The following SMARCC1 variants were observed in gnomAD, a reference collection of about 807,000 sequenced individuals.
SMARCC1 encodes SWI/SNF related BAF chromatin remodeling complex subunit C1.
In SMARCC1, 43 loss-of-function variants were observed where a neutral mutation model predicts 147.4. That is an observed-to-expected ratio of 0.29 (90% CI 0.23 to 0.38). The LOEUF is 0.38. Among genes scored for constraint, SMARCC1 ranks in the 10% least tolerant of loss-of-function variants. The pLI is 1.00. For synonymous variants in SMARCC1, 495 were observed against 484.4 expected (o/e 1.02, Z -0.29); for missense variants, 1,119 against 1,381.1 (o/e 0.81, Z 3.01).
intron 2 of SMARCC1, among the ~76,000 whole-genome samples, chr3:47,768,905 G>C (rs1301660747): frequency 6.6e-6 from 1 of 152,098 alleles, no homozygotes; most frequent in African/African-American, 2.4e-5. Flanking sequence ...TTAAATTTTT[G>C]TTATAAAAAA....
Position 47,676,529 on chromosome 3 carries a change from T to C in SMARCC1, c.1725+100A>G, listed in dbSNP as rs1167727344. 2.1e-5 allele frequency: 18 copies of C among 840,212 alleles called. No individual in the cohort carries two copies. In the East Asian group the frequency reaches 4.5e-4, roughly 21 times the overall value. The allele number at this position is 840,212 out of a possible 1,614,324, so 52.0% of individuals were successfully genotyped here. Reference sequence around the variant, plus strand: ...GCAAGGATCAAAGAAATAGCACTAATAATAGCATTATAGTATAATAATAAT... The same window carrying C: ...GCAAGGATCAAAGAAATAGCACTAACAATAGCATTATAGTATAATAATAAT... On this transcript the variant is annotated intron_variant, in intron 17 of 27. Coordinates refer to ENST00000254480, the MANE Select transcript of SMARCC1 (RefSeq NM_003074.4).
chr3:47,596,872 C>CT (rs570013497), intron 26 of SMARCC1, among the ~76,000 whole-genome samples: 146 of 146,106 alleles, frequency 1.0e-3, no homozygotes, highest in Middle Eastern at 3.5e-3. Context: ...CAAGTTCCTT[C>CT]TTTTTTTTTT....
intron 9 of SMARCC1, among the ~76,000 whole-genome samples, chr3:47,709,423 T>C (rs1274156351): frequency 7.9e-5 from 12 of 152,240 alleles, no homozygotes; most frequent in Non-Finnish European, 4.4e-5. Context: ...CGGTGGCTCA[T>C]GCCTGTAATC....
chr3:47,781,497 C>T (rs903455164), intron 1 of SMARCC1, 106 bp downstream of exon 1: 1 of 761,882 alleles, frequency 1.3e-6, no homozygotes, highest in African/African-American at 1.9e-5. Flanking sequence ...CTTTGTTGTC[C>T]CTCGTGGCGT....
chr3:47,607,839 T>G (rs938646965), intron 26 of SMARCC1, among the ~76,000 whole-genome samples: 1 of 152,126 alleles, frequency 6.6e-6, no homozygotes, highest in Non-Finnish European at 1.5e-5. Flanking sequence ...GCCCAGGAAT[T>G]TGGGTCCAGT....
At chr3:47,692,650 G>A (rs1408004621) in intron 12 of SMARCC1, among the ~76,000 whole-genome samples, 2 of 152,140 alleles carry the variant, frequency 1.3e-5, no homozygotes, top group Non-Finnish European at 2.9e-5. Flanking sequence ...TCTTACAACA[G>A]TAGCAAACCA....
chr3:47,643,113 C>A (rs1010934932), intron 21 of SMARCC1, among the ~76,000 whole-genome samples: 2 of 152,146 alleles, frequency 1.3e-5, no homozygotes, highest in African/African-American at 4.8e-5. Flanking sequence ...CCGTCCACCA[C>A]AAAATAAGGA....
At chr3:47,679,537 T>C (rs1051760518) in intron 15 of SMARCC1, among the ~76,000 whole-genome samples, 5 of 152,092 alleles carry the variant, frequency 3.3e-5, no homozygotes, top group African/African-American at 1.2e-4. Flanking sequence ...ATAGAAACAA[T>C]CCAAAACATA....
At chr3:47,618,450 G>A (rs1449196626) in intron 25 of SMARCC1, among the ~76,000 whole-genome samples, 1 of 151,896 alleles carries the variant, frequency 6.6e-6, no homozygotes, top group African/African-American at 2.4e-5. Flanking sequence ...GGGAGGCTGA[G>A]GAGGGAGGAT....
At chr3:47,617,049 T>C (rs1348993653) in intron 25 of SMARCC1, among the ~76,000 whole-genome samples, 1 of 152,224 alleles carries the variant, frequency 6.6e-6, no homozygotes, top group African/African-American at 2.4e-5. Context: ...ATCAACTTTA[T>C]TGATTCATAA....
At chr3:47,733,154 G>A (rs1005869819) in intron 5 of SMARCC1, among the ~76,000 whole-genome samples, 3 of 152,136 alleles carry the variant, frequency 2.0e-5, no homozygotes, top group Non-Finnish European at 4.4e-5. Flanking sequence ...TTGAAATACT[G>A]TGAGAATTAC....
intron 26 of SMARCC1, chr3:47,604,062 A>G (rs138230975): frequency 3.9e-4 from 179 of 456,802 alleles, no homozygotes; most frequent in African/African-American, 3.2e-3. Flanking sequence ...GAGGGGCTGA[A>G]GAACTTACAG....
chr3:47,737,781 G>C (rs941541486), intron 4 of SMARCC1, among the ~76,000 whole-genome samples: 2 of 151,456 alleles, frequency 1.3e-5, no homozygotes, highest in Non-Finnish European at 2.9e-5. Context: ...TCAGCCACCA[G>C]AGTAGCTGGG....
In SMARCC1 at chr3:47,720,739, G is replaced by C. The variant is rs754742875; in HGVS notation, c.647-4C>G. 4.4e-6 allele frequency: 7 copies of C among 1,603,264 alleles called. No homozygotes were observed. Among genetic ancestry groups the C allele is most frequent in the Non-Finnish European group, 6.0e-6 (7 of 1,173,836 alleles). Reference sequence around the variant, plus strand: ...ATCACCGGTCTCAACCATTCTTCTGGAAGAGAAAAAGAAACAACTTTACTC... The same window carrying C: ...ATCACCGGTCTCAACCATTCTTCTGCAAGAGAAAAAGAAACAACTTTACTC... On this transcript the variant is annotated splice_polypyrimidine_tract_variant and splice_region_variant and intron_variant, in intron 6 of 27. Transcript: ENST00000254480.
chr3:47,684,925 AC>A (rs2033701950), intron 14 of SMARCC1, among the ~76,000 whole-genome samples: 1 of 152,212 alleles, frequency 6.6e-6, no homozygotes, highest in African/African-American at 2.4e-5. Flanking sequence ...ATTAACAAAA[AC>A]CAATAATAAA....
intron 26 of SMARCC1, among the ~76,000 whole-genome samples, chr3:47,596,603 A>C (rs1373637087): frequency 6.6e-6 from 1 of 151,530 alleles, no homozygotes; most frequent in African/African-American, 2.4e-5. Flanking sequence ...AAGAAGAAGA[A>C]GAAGAAAAAA....
chr3:47,647,455 T>C (rs2033132373), intron 21 of SMARCC1, among the ~76,000 whole-genome samples: 1 of 152,218 alleles, frequency 6.6e-6, no homozygotes. Context: ...AGGTTAGGTG[T>C]ATTAAATGCA....
At chr3:47,752,551 CG>C (rs2034640699) in intron 2 of SMARCC1, among the ~76,000 whole-genome samples, 2 of 152,008 alleles carry the variant, frequency 1.3e-5, no homozygotes, top group Non-Finnish European at 2.9e-5. Context: ...GTTGAGAGGC[CG>C]GGACAGGAGG....
intron 26 of SMARCC1, among the ~76,000 whole-genome samples, chr3:47,607,805 A>AGCTGAG (rs2032500413): frequency 6.6e-6 from 1 of 152,182 alleles, no homozygotes; most frequent in African/African-American, 2.4e-5. Flanking sequence ...CTACTTCAGA[A>AGCTGAG]GCTGAGGCAG....
Sources: gnomAD v4.1 joint callset for allele counts (sites outside exome capture counted in the v4.1 genomes callset) on GRCh38, gnomAD v4.1.1 for gene constraint, MANE v1.5 for transcripts, NCBI Gene and HGNC (gene_info 2026-07-23, HGNC 2026-07-21) for gene names.